The following EBF3 variants were observed in gnomAD, a reference collection of about 807,000 sequenced individuals.
The protein encoded by EBF3 is transcription factor COE3.
In EBF3, 18 loss-of-function variants were observed where a neutral mutation model predicts 77.1. The ratio of observed to expected loss-of-function variants is 0.23; its 90% CI spans 0.16 to 0.35. The LOEUF (loss-of-function observed/expected upper bound fraction) is 0.35. Among genes scored for constraint, EBF3 ranks in the 10% least tolerant of loss-of-function variants. The probability of loss-of-function intolerance (pLI) is 1.00; values close to 1 mark genes in which losing one functional copy is unlikely to be tolerated. For synonymous variants in EBF3, 350 were observed against 343.5 expected (o/e 1.02, Z -0.21); for missense variants, 558 against 860.0 (o/e 0.65, Z 4.39).
chr10:129,915,581 T>C (rs903598053), intron 6 of EBF3, among the ~76,000 whole-genome samples: 1 of 152,044 alleles, frequency 6.6e-6, no homozygotes, highest in Non-Finnish European at 1.5e-5. Context: ...ATGAAGTTTG[T>C]TGTAACGAGC....
rs1853476988 is a variant in EBF3, at chr10:129,885,076, A to G, written c.555-7227T>C. Among the ~76,000 whole-genome samples, 1 of 152,160 alleles carries G rather than the reference A, an allele frequency of 6.6e-6. No homozygotes were observed. Among genetic ancestry groups the G allele is most frequent in the Admixed American group, 6.5e-5 (1 of 15,282 alleles). ...ACTAGGCCCCACCGTCCCTCCAAAG[A>G]GCCTTATCGCTAAATTTCTGCTATA... On this transcript the variant is annotated intron_variant, in intron 6 of 16. Transcript: ENST00000440978. The surrounding 1 kb of genome is among the most constrained non-coding windows in gnomAD (Gnocchi z 4.0).
chr10:129,961,306 T>A (rs1438240723), intron 4 of EBF3, among the ~76,000 whole-genome samples: 1 of 151,998 alleles, frequency 6.6e-6, no homozygotes, highest in Admixed American at 6.5e-5. Flanking sequence ...CCTGCCCCCC[T>A]CCCCACCACA....
chr10:129,888,320 TTGC>T (rs1853762693), intron 6 of EBF3, among the ~76,000 whole-genome samples: 2 of 152,208 alleles, frequency 1.3e-5, no homozygotes, highest in South Asian at 4.1e-4. Flanking sequence ...CGCGTCGAAG[TTGC>T]TTTCCTCGCT....
At chr10:129,867,336 G>T (rs1415018161) in intron 9 of EBF3, 69 bp from the exon 10 acceptor site, 1 of 1,592,622 alleles carries the variant, frequency 6.3e-7, no homozygotes, top group African/African-American at 1.4e-5. Flanking sequence ...TTGCCAGTTG[G>T]ATATAATTAC....
intron 10 of EBF3, among the ~76,000 whole-genome samples, chr10:129,851,542 C>T (rs966691753): frequency 2.0e-5 from 3 of 152,144 alleles, no homozygotes; most frequent in Non-Finnish European, 2.9e-5. Context: ...AAAAACAATA[C>T]GTTTCTCAAA....
rs553372063 is a variant in EBF3 at position 129,963,652 on chromosome 10, G to C, written c.117C>G (p.Ala39=). The C allele has an allele frequency of 1.3e-6, 2 of 1,489,330 alleles. No homozygotes were observed. The highest frequency in any genetic ancestry group is 2.3e-5 in the South Asian group (2 of 85,576). 92.3% of individuals were successfully genotyped at this position (1,489,330 alleles called of 1,614,324 possible). A position where few individuals can be genotyped will look rare whatever the true frequency, so the allele number is the denominator to read the frequency against. ...SWMHTAGVVD[A]NTAAQSGVGL... The stretch of plus-strand genomic sequence containing the variant: ...GTACGTACCTCTGGGCGGCCGTGTT[G>C]GCGTCCACCACGCCCGCCGTGTGCA... The change falls in exon 1 of 17, where the codon GCC becomes GCG. Residue 39 remains alanine, a synonymous_variant. Coordinates refer to ENST00000440978, the MANE Select transcript of EBF3 (RefSeq NM_001375380.1). This position sits in a 1 kb window ranked among gnomAD's most constrained non-coding sequence, Gnocchi z 7.1.
rs1485317304 is a variant in EBF3 at position 129,947,597 on chromosome 10, A to G, written c.554+9661T>C. 6.6e-6 allele frequency among the ~76,000 whole-genome samples: 1 copy of G among 152,192 alleles called. No homozygotes were observed. Among genetic ancestry groups the G allele is most frequent in the Non-Finnish European group, 1.5e-5 (1 of 68,036 alleles). On this transcript the variant is annotated intron_variant, in intron 6 of 16. Transcript: ENST00000440978. The surrounding 1 kb of genome is among the most constrained non-coding windows in gnomAD (Gnocchi z 4.5). Reference sequence around the variant, plus strand: ...TTATTGAGGAAATAAACCCCTTATAATAAGTGAAATTGAGCAATGCCACTT... The same window carrying G: ...TTATTGAGGAAATAAACCCCTTATAGTAAGTGAAATTGAGCAATGCCACTT...
chr10:129,882,758 T>C (rs1853296435), intron 6 of EBF3, among the ~76,000 whole-genome samples: 2 of 152,264 alleles, frequency 1.3e-5, no homozygotes, highest in African/African-American at 2.4e-5. Flanking sequence ...CATGTTTCCA[T>C]GTAGCTAAGA....
intron 6 of EBF3, among the ~76,000 whole-genome samples, chr10:129,912,058 G>A (rs1855562193): frequency 6.6e-6 from 1 of 152,204 alleles, no homozygotes; most frequent in Non-Finnish European, 1.5e-5. Context: ...GAATGCCACT[G>A]AATGAAGAGG....
At chr10:129,918,638 T>C (rs1054458824) in intron 6 of EBF3, among the ~76,000 whole-genome samples, 1 of 152,086 alleles carries the variant, frequency 6.6e-6, no homozygotes, top group African/African-American at 2.4e-5. Context: ...GGCCCTGCCC[T>C]ACCCCCCTCC....
intron 6 of EBF3, among the ~76,000 whole-genome samples, chr10:129,926,728 G>A (rs1039238128): frequency 6.6e-6 from 1 of 152,084 alleles, no homozygotes; most frequent in Non-Finnish European, 1.5e-5. Flanking sequence ...TGGAAAGAGG[G>A]TGCTCCAGGA....
At chr10:129,933,869 G>A (rs1857187887) in intron 6 of EBF3, among the ~76,000 whole-genome samples, 1 of 152,122 alleles carries the variant, frequency 6.6e-6, no homozygotes, top group South Asian at 2.1e-4. Context: ...CTGGGCGCCA[G>A]CACCTGCCTC....
rs148921596 is a variant in EBF3, at chr10:129,899,611, G to A, written c.555-21762C>T. Among the ~76,000 whole-genome samples, 448 of 152,306 alleles carry A rather than the reference G, an allele frequency of 2.9e-3. 2 individuals carry two copies. The highest frequency in any genetic ancestry group is 4.9e-3 in the Non-Finnish European group (336 of 68,022). ...CTCTTTGAAATGGCCAGATCCAGCC[G>A]GAGGGAAGGCCAGGCCGGGGAATGG... is the stretch of plus-strand genomic sequence containing the variant. On this transcript the variant is annotated intron_variant, in intron 6 of 16. Transcript: ENST00000440978.
chr10:129,879,175 G>C lies in EBF3; in HGVS notation c.555-1326C>G, dbSNP rs761504688. Among the ~76,000 whole-genome samples, 6 of 152,128 alleles carry C rather than the reference G, an allele frequency of 3.9e-5. No homozygotes were observed. Among genetic ancestry groups the C allele is most frequent in the Non-Finnish European group, 7.4e-5 (5 of 68,022 alleles). ...AAGCCAGGCTCTACCACTACCCACA[G>C]GAAAAGTGGGTGGGGGGGTTTCTCC... is the stretch of plus-strand genomic sequence containing the variant. On this transcript the variant is annotated intron_variant, in intron 6 of 16. Transcript: ENST00000440978. This position sits in a 1 kb window ranked among gnomAD's most constrained non-coding sequence, Gnocchi z 4.7.
At chr10:129,888,998 G>A (rs1331969300) in intron 6 of EBF3, among the ~76,000 whole-genome samples, 1 of 152,188 alleles carries the variant, frequency 6.6e-6, no homozygotes, top group Non-Finnish European at 1.5e-5. Context: ...GGGGTGGACC[G>A]GGAACCCCTG....
Position 129,867,235 on chromosome 10 carries a change from G to A in EBF3, c.945C>T (p.Thr315=), listed in dbSNP as rs76892753. ...LITPHAIRVQ[T]PPRHIPGVVE... is the part of the protein sequence containing the mutation. The stretch of plus-strand genomic sequence containing the variant: ...CGACGCCAGGAATGTGCCTCGGCGG[G>A]GTCTGGACTCGGATGGCATGGGGAG... The change falls in exon 10 of 17, where the codon ACC becomes ACT. Residue 315 remains threonine (T), a synonymous_variant. Transcript: ENST00000440978. 5.5e-5 allele frequency: 88 copies of A among 1,614,108 alleles called. No individual in the cohort carries two copies. In the East Asian group the frequency reaches 1.6e-3, roughly 29 times the overall value.
At chr10:129,891,203 C>T (rs933529216) in intron 6 of EBF3, among the ~76,000 whole-genome samples, 5 of 152,140 alleles carry the variant, frequency 3.3e-5, no homozygotes, top group Admixed American at 3.3e-4. Flanking sequence ...TATAGCATGA[C>T]TTTAATACTC....
At chr10:129,838,261 G>T (rs1178204880) in intron 16 of EBF3, among the ~76,000 whole-genome samples, 2 of 152,260 alleles carry the variant, frequency 1.3e-5, no homozygotes, top group African/African-American at 2.4e-5. Context: ...AGAGGCTGCA[G>T]CTTCCCCACA....
At chr10:129,914,721 G>A (rs1855755585) in intron 6 of EBF3, among the ~76,000 whole-genome samples, 1 of 152,150 alleles carries the variant, frequency 6.6e-6, no homozygotes, top group Admixed American at 6.5e-5. Context: ...TGCCATGGTA[G>A]AGCCACCTGC....
Sources: allele counts gnomAD v4.1 joint callset (sites outside exome capture counted in the v4.1 genomes callset), GRCh38; gene constraint gnomAD v4.1.1; non-coding constraint Gnocchi (gnomAD v3.1); transcripts MANE v1.5; gene names NCBI Gene and HGNC (gene_info 2026-07-23, HGNC 2026-07-21).